Variants in PGAP1 observed in about 807,000 individuals in gnomAD.
The protein encoded by PGAP1 is post-GPI attachment to proteins inositol deacylase 1, also known as GPI inositol-deacylase.
Under a neutral mutation model 127.0 loss-of-function variants are expected in PGAP1, and 76 were observed. The observed-to-expected ratio is 0.60, with a 90% CI of 0.50 to 0.72. The LOEUF is 0.72. Among genes scored for constraint, PGAP1 ranks in the 30% least tolerant of loss-of-function variants. PGAP1 has a pLI of 0.00. For missense variants in PGAP1, 982 were observed against 1,071.3 expected (o/e 0.92, Z 1.16); for synonymous variants, 362 against 366.5 (o/e 0.99, Z 0.14).
intron 20 of PGAP1, among the ~76,000 whole-genome samples, chr2:196,854,198 C>T (rs770694828): frequency 4.6e-5 from 7 of 151,750 alleles, no homozygotes; most frequent in Non-Finnish European, 1.0e-4. Context: ...CACACCCGGC[C>T]GAAAATTCTA....
chr2:196,893,107 C>A (rs745712690), intron 8 of PGAP1, 33 bp downstream of exon 8: 35 of 1,271,946 alleles, frequency 2.8e-5, no homozygotes, highest in Non-Finnish European at 3.8e-5. Context: ...TGAAATACTT[C>A]ATTTAAAATT....
At chr2:196,882,105 A>G (rs1701753064) in intron 12 of PGAP1, among the ~76,000 whole-genome samples, 1 of 152,206 alleles carries the variant, frequency 6.6e-6, no homozygotes, top group Non-Finnish European at 1.5e-5. Context: ...TTGAATAGGA[A>G]AACTTTTCCC....
At chr2:196,854,296 G>T (rs1383306119) in intron 20 of PGAP1, among the ~76,000 whole-genome samples, 1 of 152,006 alleles carries the variant, frequency 6.6e-6, no homozygotes, top group Non-Finnish European at 1.5e-5. Context: ...TCATCTTGTA[G>T]AGATATTAAA....
intron 9 of PGAP1, 134 bp downstream of exon 9, chr2:196,892,209 CTTA>C: frequency 3.8e-6 from 2 of 529,528 alleles, no homozygotes; most frequent in Non-Finnish European, 6.7e-6. Flanking sequence ...TGACTAGATA[CTTA>C]TTAAGGAATT....
intron 4 of PGAP1, among the ~76,000 whole-genome samples, chr2:196,905,519 T>G (rs1702667576): frequency 6.6e-6 from 1 of 152,200 alleles, no homozygotes; most frequent in Non-Finnish European, 1.5e-5. Flanking sequence ...TTAAGATGGT[T>G]TGGAGTCACT....
chr2:196,904,275 G>A (rs1382945320), intron 4 of PGAP1, among the ~76,000 whole-genome samples: 1 of 152,122 alleles, frequency 6.6e-6, no homozygotes, highest in Non-Finnish European at 1.5e-5. Flanking sequence ...ATTCGATCCC[G>A]CATTGCAAGG....
chr2:196,922,459 T>C, intron 1 of PGAP1: 1 of 975,932 alleles, frequency 1.0e-6, no homozygotes, highest in Non-Finnish European at 1.2e-6. Context: ...TTATAGGGGC[T>C]CCATTAAAAA....
intron 2 of PGAP1, 75 bp downstream of exon 2, chr2:196,919,922 C>A (rs1703130804): frequency 7.0e-7 from 1 of 1,435,890 alleles, no homozygotes; most frequent in Non-Finnish European, 9.5e-7. Context: ...TTATTTGATT[C>A]ACCGAGTATG....
At chr2:196,874,552 A>C (rs1701500810) in intron 14 of PGAP1, among the ~76,000 whole-genome samples, 1 of 152,204 alleles carries the variant, frequency 6.6e-6, no homozygotes, top group African/African-American at 2.4e-5. Flanking sequence ...AAAAAGCAAT[A>C]ACATTATAGC....
chr2:196,889,505 T>C (rs1301084561), intron 10 of PGAP1, among the ~76,000 whole-genome samples: 5 of 149,464 alleles, frequency 3.3e-5, no homozygotes, highest in Admixed American at 6.7e-5. Flanking sequence ...GAGTGAAGAA[T>C]CGTGAGATAT....
In PGAP1 at chr2:196,839,548, T is replaced by C. The variant is rs931019157; in HGVS notation, c.*1686A>G. ...CGAGTTTATCATTTCCCTTTAATGT[T>C]CTCAGTAAGTTAAAATATGAATACT... is the stretch of plus-strand genomic sequence containing the variant. On this transcript the variant is annotated 3_prime_UTR_variant, in exon 27 of 27. Coordinates refer to ENST00000354764, the MANE Select transcript of PGAP1 (RefSeq NM_024989.4). 6.6e-6 allele frequency: 1 copy of C among 152,192 alleles called. No homozygotes were observed. The highest frequency in any genetic ancestry group is 2.4e-5 in the African/African-American group (1 of 41,442). 9.4% of individuals were successfully genotyped at this position (152,192 alleles called of 1,614,324 possible).
intron 10 of PGAP1, among the ~76,000 whole-genome samples, chr2:196,890,602 G>T (rs1367389688): frequency 2.0e-5 from 3 of 151,988 alleles, no homozygotes; most frequent in Non-Finnish European, 2.9e-5. Context: ...AGAAAGACAG[G>T]GTGGGAGACC....
At chr2:196,843,303 A>C (rs577349338) in intron 25 of PGAP1, among the ~76,000 whole-genome samples, 1 of 152,316 alleles carries the variant, frequency 6.6e-6, no homozygotes, top group African/African-American at 2.4e-5. Flanking sequence ...TCTGACAGCA[A>C]ATCTGTGAAC....
At chr2:196,869,509 T>C (rs1701345569) in intron 19 of PGAP1, among the ~76,000 whole-genome samples, 1 of 152,180 alleles carries the variant, frequency 6.6e-6, no homozygotes, top group South Asian at 2.1e-4. Context: ...TAATTTTTTG[T>C]ATTTTTAATA....
At chr2:196,850,136 ATGTTATCCACTCCTAGAG>A (rs1700675225) in intron 20 of PGAP1, among the ~76,000 whole-genome samples, 2 of 152,198 alleles carry the variant, frequency 1.3e-5, no homozygotes, top group Admixed American at 1.3e-4. Context: ...AGCTCCAGGA[ATGTTATCCACTCCTAGAG>A]CCCTCTAGGT....
rs1203121280 is a variant in PGAP1 at position 196,844,183 on chromosome 2, C to T, written c.2338-108G>A. Reference sequence around the variant, plus strand: ...CTAAATAAGTACATCTTTCCATTACCAAACTGACATAAAATCCTGAAATTA... The same window carrying T: ...CTAAATAAGTACATCTTTCCATTACTAAACTGACATAAAATCCTGAAATTA... On this transcript the variant is annotated intron_variant, in intron 24 of 26. Coordinates refer to ENST00000354764, the MANE Select transcript of PGAP1 (RefSeq NM_024989.4). 2.5e-5 allele frequency: 16 copies of T among 638,790 alleles called. No individual in the cohort carries two copies. In the East Asian group the frequency reaches 4.4e-4, roughly 18 times the overall value. The allele number at this position is 638,790 out of a possible 1,614,324, so 39.6% of individuals were successfully genotyped here. A position where few individuals can be genotyped will look rare whatever the true frequency, so the allele number is the denominator to read the frequency against.
chr2:196,913,061 A>C lies in PGAP1; in HGVS notation c.478-8T>G, dbSNP rs1702884608. The C allele has an allele frequency of 1.9e-6, 3 of 1,595,326 alleles. No homozygotes were observed. The highest frequency in any genetic ancestry group is 2.6e-6 in the Non-Finnish European group (3 of 1,170,020). On this transcript the variant is annotated splice_region_variant and splice_polypyrimidine_tract_variant and intron_variant, in intron 3 of 26. Coordinates refer to ENST00000354764, the MANE Select transcript of PGAP1 (RefSeq NM_024989.4). ...TGGAGCAAATTCTTGACCCTATTAA[A>C]ATAAATCACCAGGTCATAATTGCGG...
chr2:196,883,667 G>T (rs912548864), intron 12 of PGAP1, among the ~76,000 whole-genome samples: 1 of 152,144 alleles, frequency 6.6e-6, no homozygotes, highest in Admixed American at 6.5e-5. Context: ...TAAAAGTTCA[G>T]TCCACAGAAA....
At chr2:196,919,653 C>G (rs1371002069) in intron 2 of PGAP1, among the ~76,000 whole-genome samples, 2 of 152,138 alleles carry the variant, frequency 1.3e-5, no homozygotes, top group African/African-American at 2.4e-5. Flanking sequence ...CTTCCCTAAT[C>G]AATGCTTAAG....
Sources: gnomAD v4.1 joint callset for allele counts (sites outside exome capture counted in the v4.1 genomes callset) on GRCh38, gnomAD v4.1.1 for gene constraint, MANE v1.5 for transcripts, NCBI Gene and HGNC (gene_info 2026-07-23, HGNC 2026-07-21) for gene names.